CCDC158: variants seen among roughly 807,000 people sequenced by gnomAD.
The protein encoded by CCDC158 is coiled-coil domain-containing protein 158.
CCDC158 carries 116 observed loss-of-function variants against 138.6 expected under a neutral mutation model. That is an observed-to-expected ratio of 0.84 (90% CI 0.72 to 0.98). The LOEUF (loss-of-function observed/expected upper bound fraction) is 0.98, where lower values mean the gene tolerates loss of function less well. Ranked by LOEUF, CCDC158 falls within the 50% of genes least tolerant of loss-of-function variation. CCDC158 has a pLI of 0.00. For synonymous variants in CCDC158, 436 were observed against 442.4 expected (o/e 0.99, Z 0.18); for missense variants, 1,265 against 1,306.1 (o/e 0.97, Z 0.48).
intron 24 of CCDC158, among the ~76,000 whole-genome samples, chr4:76,320,198 G>A (rs1478873296): frequency 6.6e-6 from 1 of 152,050 alleles, no homozygotes; most frequent in Non-Finnish European, 1.5e-5. Flanking sequence ...TATAACAGCT[G>A]CAAGAAAAAT....
intron 2 of CCDC158, among the ~76,000 whole-genome samples, chr4:76,410,087 C>T (rs528818677): frequency 1.3e-5 from 2 of 152,154 alleles, no homozygotes; most frequent in African/African-American, 2.4e-5. Flanking sequence ...TTATACTTTT[C>T]CTAGTATGAA....
intron 13 of CCDC158, among the ~76,000 whole-genome samples, chr4:76,361,713 A>G (rs1508337): frequency 0.27 from 40,546 of 152,112 alleles, 6,545 homozygotes; most frequent in East Asian, 0.7. Context: ...TCACATGTCT[A>G]TTTTCACATG....
intron 13 of CCDC158, 83 bp downstream of exon 13, chr4:76,362,043 C>A: frequency 2.8e-6 from 3 of 1,086,996 alleles, no homozygotes; most frequent in Non-Finnish European, 4.0e-6. Flanking sequence ...AGACACCCTT[C>A]TTTTGCAATT....
At chr4:76,330,092 T>G (rs147452708) in intron 21 of CCDC158, among the ~76,000 whole-genome samples, 3 of 152,340 alleles carry the variant, frequency 2.0e-5, no homozygotes, top group African/African-American at 7.2e-5. Context: ...GAAGAAACTC[T>G]ACTGCAGAGC....
At chr4:76,418,302 C>G (rs75996538) in intron 1 of CCDC158, among the ~76,000 whole-genome samples, 3,789 of 152,188 alleles carry the variant, frequency 0.025, 152 homozygotes, top group African/African-American at 0.086. Context: ...GGGTACAAGG[C>G]ATCATTTTTG....
chr4:76,354,233 C>CAAAAAAAAAAAAAAAAAAAAAAAAGA (rs749565764), intron 15 of CCDC158, among the ~76,000 whole-genome samples: 1 of 63,932 alleles, frequency 1.6e-5, no homozygotes, highest in Non-Finnish European at 2.9e-5. Context: ...TTCCCAAAGG[C>CAAAAAAAAAAAAAAAAAAAAAAAAGA]AAAAAAAAAA....
chr4:76,331,327 G>A lies in CCDC158; in HGVS notation c.2942+17C>T, dbSNP rs1221902520. On this transcript the variant is annotated intron_variant, in intron 21 of 24. Transcript: ENST00000682701. ...CGTAAAAGGGACATTTTGAAAATGG[G>A]GGCTGGTATTTCCTACCTACTAAGA... The A allele has an allele frequency of 6.2e-7, 1 of 1,608,790 alleles. No individual in the cohort carries two copies. The highest frequency in any genetic ancestry group is 1.1e-5 in the South Asian group (1 of 90,930).
intron 18 of CCDC158, chr4:76,344,916 A>G: frequency 6.5e-7 from 1 of 1,538,540 alleles, no homozygotes; most frequent in South Asian, 1.1e-5. Flanking sequence ...AATACTAAAG[A>G]AATGTTTGGT....
chr4:76,403,219 C>G lies in CCDC158; in HGVS notation c.-12G>C. 1.3e-6 allele frequency: 2 copies of G among 1,560,404 alleles called. No individual in the cohort carries two copies. Among genetic ancestry groups the G allele is most frequent in the Non-Finnish European group, 1.8e-6 (2 of 1,137,638 alleles). ...GCTTTTGATTCCATATTAAATATTG[C>G]TACTTCTTATTAGAGATCTTGAAGT... On this transcript the variant is annotated 5_prime_UTR_variant, in exon 3 of 25. Coordinates refer to ENST00000682701, the MANE Select transcript of CCDC158 (RefSeq NM_001394954.1).
chr4:76,358,242 C>A (rs927626005), intron 13 of CCDC158, among the ~76,000 whole-genome samples: 1 of 152,132 alleles, frequency 6.6e-6, no homozygotes, highest in Non-Finnish European at 1.5e-5. Flanking sequence ...ATCCTGAAAC[C>A]TACACTTAAT....
At chr4:76,373,510 T>C (rs1488777307) in intron 9 of CCDC158, among the ~76,000 whole-genome samples, 2 of 152,226 alleles carry the variant, frequency 1.3e-5, no homozygotes, top group Non-Finnish European at 2.9e-5. Context: ...AGAGAACATA[T>C]GACTAAGACT....
chr4:76,393,749 C>T (rs1478653428), intron 4 of CCDC158, among the ~76,000 whole-genome samples: 1 of 151,836 alleles, frequency 6.6e-6, no homozygotes, highest in Non-Finnish European at 1.5e-5. Flanking sequence ...GGATTAATTA[C>T]CAGAATATAT....
At chr4:76,317,507 G>A (rs1719515763) in intron 24 of CCDC158, among the ~76,000 whole-genome samples, 1 of 152,082 alleles carries the variant, frequency 6.6e-6, no homozygotes, top group South Asian at 2.1e-4. Context: ...CCTAATAAAT[G>A]CAATAGATGC....
chr4:76,396,032 T>C (rs895591585), intron 4 of CCDC158, among the ~76,000 whole-genome samples: 4 of 152,196 alleles, frequency 2.6e-5, no homozygotes, highest in African/African-American at 4.8e-5. Context: ...ATTTATATCA[T>C]GAAACCAAGA....
chr4:76,360,954 C>A (rs542348507), intron 13 of CCDC158, among the ~76,000 whole-genome samples: 10 of 152,314 alleles, frequency 6.6e-5, no homozygotes, highest in African/African-American at 2.4e-4. Context: ...TGTCCCAACT[C>A]AAATCTCATG....
At chr4:76,377,343 A>G (rs960309678) in intron 9 of CCDC158, among the ~76,000 whole-genome samples, 1 of 152,220 alleles carries the variant, frequency 6.6e-6, no homozygotes, top group Non-Finnish European at 1.5e-5. Context: ...TGAGTACTTA[A>G]TCTTTCCAAA....
chr4:76,370,621 T>C (rs920525470), intron 10 of CCDC158, among the ~76,000 whole-genome samples: 2 of 152,030 alleles, frequency 1.3e-5, no homozygotes, highest in African/African-American at 4.8e-5. Flanking sequence ...CAATGAGTAA[T>C]GAGGGGTTGA....
intron 2 of CCDC158, among the ~76,000 whole-genome samples, chr4:76,408,956 C>T (rs905863584): frequency 1.3e-5 from 2 of 152,114 alleles, no homozygotes; most frequent in African/African-American, 4.8e-5. Context: ...CATTTTTTCA[C>T]GTGTCTTTTG....
chr4:76,384,150 T>G lies in CCDC158; in HGVS notation c.664A>C (p.Ile222Leu). 1 of 1,614,054 alleles carries G rather than the reference T, an allele frequency of 6.2e-7. No individual in the cohort carries two copies. The highest frequency in any genetic ancestry group is 1.1e-5 in the South Asian group (1 of 91,078). Residue 222 changes from isoleucine (I) to leucine (L), a missense_variant, in exon 6 of 25, where the codon ATT becomes CTT. By Grantham distance (5) the Ile-to-Leu change is conservative. Transcript: ENST00000682701. The stretch of plus-strand genomic sequence containing the variant: ...TCTAATTCTCTTAGTATTTTACTAA[T>G]AGCTGAGCCCAAGCTGCGGAAGTGC... ...TLHFRSLGSA[I>L]SKILRELDTE... is the part of the protein sequence containing the mutation.
Sources: allele counts gnomAD v4.1 joint callset (sites outside exome capture counted in the v4.1 genomes callset), GRCh38; gene constraint gnomAD v4.1.1; transcripts MANE v1.5; gene names NCBI Gene and HGNC (gene_info 2026-07-23, HGNC 2026-07-21).